PRKCA: variants seen among roughly 807,000 people sequenced by gnomAD.
PRKCA encodes protein kinase C alpha.
A neutral mutation model predicts 87.0 loss-of-function variants in PRKCA; 27 were observed. That is an observed-to-expected ratio of 0.31 (90% CI 0.23 to 0.43). PRKCA has a LOEUF of 0.43. Ranked by LOEUF, PRKCA falls within the 20% of genes least tolerant of loss-of-function variation. The pLI is 1.00. For synonymous variants in PRKCA, 329 were observed against 311.1 expected, an observed-to-expected ratio of 1.06 and a Z score of -0.61; for missense variants, 518 against 852.3, an observed-to-expected ratio of 0.61 and a Z score of 4.88.
chr17:66,483,786 C>T (rs1159236173), intron 2 of PRKCA, among the ~76,000 whole-genome samples: 1 of 151,938 alleles, frequency 6.6e-6, no homozygotes, highest in Non-Finnish European at 1.5e-5. Context: ...GTAAGGATGC[C>T]AGTCATATTG....
intron 2 of PRKCA, among the ~76,000 whole-genome samples, chr17:66,361,106 C>T (rs1908362358): frequency 6.6e-6 from 1 of 151,880 alleles, no homozygotes; most frequent in Admixed American, 6.6e-5. Context: ...TGCTGCTGAG[C>T]TGGCTTCAGG....
chr17:66,704,605 G>T (rs1017149716), intron 8 of PRKCA, among the ~76,000 whole-genome samples: 3 of 152,174 alleles, frequency 2.0e-5, no homozygotes, highest in Non-Finnish European at 2.9e-5. Context: ...TAAGCCAAAA[G>T]AAAATTGGTG....
chr17:66,622,361 A>T (rs1167503439), intron 3 of PRKCA, among the ~76,000 whole-genome samples: 2 of 152,236 alleles, frequency 1.3e-5, no homozygotes, highest in Admixed American at 6.5e-5. Flanking sequence ...TTACAAACAG[A>T]TACGTTTACC....
intron 3 of PRKCA, among the ~76,000 whole-genome samples, chr17:66,595,053 C>T (rs889326654): frequency 4.6e-5 from 7 of 152,204 alleles, no homozygotes; most frequent in African/African-American, 1.7e-4. Context: ...CTCCTAGTTT[C>T]TGCTGGTGTT....
intron 3 of PRKCA, among the ~76,000 whole-genome samples, chr17:66,587,590 C>CAGAT (rs564818461): frequency 6.6e-6 from 1 of 150,488 alleles, no homozygotes; most frequent in Non-Finnish European, 1.5e-5. Context: ...GATAGATAGA[C>CAGAT]AGATAGATAG....
intron 2 of PRKCA, among the ~76,000 whole-genome samples, chr17:66,484,235 C>T (rs1051496885): frequency 9.9e-5 from 15 of 152,146 alleles, no homozygotes; most frequent in African/African-American, 3.6e-4. Flanking sequence ...TCCCACAACA[C>T]GTGGGAATTA....
intron 2 of PRKCA, among the ~76,000 whole-genome samples, chr17:66,375,013 A>G (rs1033715950): frequency 2.0e-5 from 3 of 152,086 alleles, no homozygotes; most frequent in Non-Finnish European, 2.9e-5. Context: ...GATTACAGGC[A>G]TGAGACACCG....
intron 2 of PRKCA, among the ~76,000 whole-genome samples, chr17:66,398,451 G>A (rs926507593): frequency 1.3e-5 from 2 of 152,208 alleles, no homozygotes; most frequent in African/African-American, 4.8e-5. Context: ...TTGGTGATGG[G>A]CTAATTTGGA....
At chr17:66,367,347 G>T (rs998195630) in intron 2 of PRKCA, among the ~76,000 whole-genome samples, 4 of 152,208 alleles carry the variant, frequency 2.6e-5, no homozygotes, top group Admixed American at 2.6e-4. Context: ...GTGGATAAAA[G>T]ACTTAGTGAG....
At chr17:66,541,409 A>G (rs563832296) in intron 3 of PRKCA, among the ~76,000 whole-genome samples, 1 of 152,212 alleles carries the variant, frequency 6.6e-6, no homozygotes, top group Admixed American at 6.5e-5. Context: ...TAGCCCCTTT[A>G]TTGTTTTTTT....
chr17:66,576,314 AG>A (rs1043829231), intron 3 of PRKCA, among the ~76,000 whole-genome samples: 62 of 152,370 alleles, frequency 4.1e-4, no homozygotes, highest in African/African-American at 1.5e-3. Context: ...TGTATTCCAC[AG>A]GTATAGTACC....
chr17:66,460,483 A>G (rs1419313473), intron 2 of PRKCA, among the ~76,000 whole-genome samples: 1 of 152,120 alleles, frequency 6.6e-6, no homozygotes, highest in African/African-American at 2.4e-5. Context: ...CCCATTTCTC[A>G]CACTACTTTT....
intron 5 of PRKCA, among the ~76,000 whole-genome samples, chr17:66,669,600 G>A (rs1400932410): frequency 2.6e-5 from 4 of 152,148 alleles, no homozygotes; most frequent in Non-Finnish European, 5.9e-5. Context: ...AAAGAAGTCT[G>A]CATTTAGAAG....
At chr17:66,344,299 T>C (rs866120457) in intron 2 of PRKCA, among the ~76,000 whole-genome samples, 2 of 152,242 alleles carry the variant, frequency 1.3e-5, no homozygotes, top group Non-Finnish European at 2.9e-5. Flanking sequence ...TAATTGTGCA[T>C]GTACTATTTC....
At chr17:66,322,194 GGA>G (rs1468770285) in intron 2 of PRKCA, among the ~76,000 whole-genome samples, 1 of 152,040 alleles carries the variant, frequency 6.6e-6, no homozygotes, top group Non-Finnish European at 1.5e-5. Context: ...TGGTCTCTTA[GGA>G]GAGATGAAAT....
At chr17:66,401,874 G>A (rs1338245443) in intron 2 of PRKCA, among the ~76,000 whole-genome samples, 1 of 152,218 alleles carries the variant, frequency 6.6e-6, no homozygotes, top group Non-Finnish European at 1.5e-5. Flanking sequence ...TGGGTTTGAT[G>A]TGTCTGTAGA....
chr17:66,651,088 A>C (rs1449460685), intron 5 of PRKCA, among the ~76,000 whole-genome samples: 4 of 152,096 alleles, frequency 2.6e-5, no homozygotes, highest in African/African-American at 9.7e-5. Context: ...TGACAGCTTC[A>C]CATCGGAAGT....
At chr17:66,518,740 A>G (rs1967056426) in intron 3 of PRKCA, among the ~76,000 whole-genome samples, 2 of 152,238 alleles carry the variant, frequency 1.3e-5, no homozygotes, top group South Asian at 4.1e-4. Flanking sequence ...TCTAATGCCC[A>G]GAAAATTTTT....
chr17:66,405,771 G>A (rs1222832200), intron 2 of PRKCA, among the ~76,000 whole-genome samples: 1 of 152,058 alleles, frequency 6.6e-6, no homozygotes, highest in African/African-American at 2.4e-5. Context: ...AAGATGGAAG[G>A]TTCTTGGCAG....
Sources: allele counts gnomAD v4.1 joint callset (sites outside exome capture counted in the v4.1 genomes callset), GRCh38; gene constraint gnomAD v4.1.1; transcripts MANE v1.5; gene names NCBI Gene and HGNC (gene_info 2026-07-23, HGNC 2026-07-21).